CRACR2A: variants seen among roughly 807,000 people sequenced by gnomAD.
CRACR2A encodes EF-hand calcium-binding domain-containing protein 4B.
Under a neutral mutation model 90.5 loss-of-function variants are expected in CRACR2A, and 79 were observed. That is an observed-to-expected ratio of 0.87 (90% CI 0.73 to 1.05). The LOEUF (loss-of-function observed/expected upper bound fraction) is 1.05, where lower values mean the gene tolerates loss of function less well. CRACR2A is among the 50% of genes least tolerant of loss of function. The probability of loss-of-function intolerance (pLI) is 0.00; values close to 1 mark genes in which losing one functional copy is unlikely to be tolerated. For synonymous variants in CRACR2A, 338 were observed against 356.7 expected (o/e 0.95, Z 0.59); for missense variants, 823 against 897.2 (o/e 0.92, Z 1.06).
chr12:3,681,055 G>A (rs370518408), intron 4 of CRACR2A, among the ~76,000 whole-genome samples: 54 of 151,572 alleles, frequency 3.6e-4, no homozygotes, highest in African/African-American at 1.2e-3. Flanking sequence ...ACCACGATGC[G>A]GGTGCGGGTC....
chr12:3,635,632 A>C (rs1944442425), intron 14 of CRACR2A, among the ~76,000 whole-genome samples: 1 of 152,128 alleles, frequency 6.6e-6, no homozygotes, highest in African/African-American at 2.4e-5. Context: ...CAGCCCCTGG[A>C]GTAGCTATGA....
chr12:3,647,928 T>A (rs1944719396), intron 11 of CRACR2A: 2 of 985,024 alleles, frequency 2.0e-6, no homozygotes, highest in South Asian at 9.4e-5. Flanking sequence ...GAGGGGAGGG[T>A]GGTGCACATT....
chr12:3,720,301 AAG>A (rs1271983853), intron 2 of CRACR2A, among the ~76,000 whole-genome samples: 41 of 147,508 alleles, frequency 2.8e-4, no homozygotes, highest in Admixed American at 2.5e-3. Context: ...AAGAAAAAGA[AAG>A]AAAGAAGGAA....
At chr12:3,622,593 T>G (rs1007196338) in intron 17 of CRACR2A, among the ~76,000 whole-genome samples, 2 of 152,206 alleles carry the variant, frequency 1.3e-5, no homozygotes, top group African/African-American at 4.8e-5. Flanking sequence ...GCTCAGAATG[T>G]GCAGCTGCTG....
chr12:3,627,974 G>T (rs1944297397), intron 15 of CRACR2A, among the ~76,000 whole-genome samples: 1 of 151,676 alleles, frequency 6.6e-6, no homozygotes, highest in South Asian at 2.1e-4. Context: ...GCTCTTCACT[G>T]TAATACAAGC....
intron 12 of CRACR2A, 85 bp downstream of exon 12, chr12:3,644,510 G>A (rs905049444): frequency 7.3e-7 from 1 of 1,361,100 alleles, no homozygotes; most frequent in Non-Finnish European, 1.0e-6. Flanking sequence ...TCAGGACATT[G>A]CTGGGCCAGT....
chr12:3,706,040 A>G (rs1384961322), intron 3 of CRACR2A, among the ~76,000 whole-genome samples: 1 of 152,214 alleles, frequency 6.6e-6, no homozygotes, highest in Non-Finnish European at 1.5e-5. Flanking sequence ...CACTGTTTGC[A>G]CAGGTGATAG....
At chr12:3,640,715 A>C (rs560010734) in intron 13 of CRACR2A, 207 of 1,305,268 alleles carry the variant, frequency 1.6e-4, no homozygotes, top group Non-Finnish European at 2.0e-4. Flanking sequence ...TCATGCTTGC[A>C]GTCTTCAAGG....
intron 4 of CRACR2A, among the ~76,000 whole-genome samples, chr12:3,688,081 G>A (rs541009949): frequency 8.4e-4 from 128 of 152,288 alleles, no homozygotes; most frequent in African/African-American, 2.9e-3. Flanking sequence ...TGTAGATGCT[G>A]TATATTAGAC....
chr12:3,748,960 G>C (rs1431628686), intron 1 of CRACR2A, among the ~76,000 whole-genome samples: 1 of 152,216 alleles, frequency 6.6e-6, no homozygotes, highest in East Asian at 1.9e-4. Context: ...TGTGGATGCT[G>C]TTGGTGAGTA....
chr12:3,628,882 G>A (rs1861664149), intron 15 of CRACR2A, among the ~76,000 whole-genome samples: 1 of 152,142 alleles, frequency 6.6e-6, no homozygotes, highest in African/African-American at 2.4e-5. Flanking sequence ...CTGCCGCTGG[G>A]CAAAGGCTAG....
At chr12:3,628,501 A>G (rs891234397) in intron 15 of CRACR2A, among the ~76,000 whole-genome samples, 7 of 152,146 alleles carry the variant, frequency 4.6e-5, no homozygotes, top group Non-Finnish European at 7.4e-5. Flanking sequence ...GTTCACAACC[A>G]TCTCTCCAGG....
At chr12:3,714,706 G>GA (rs913362274) in intron 2 of CRACR2A, among the ~76,000 whole-genome samples, 1 of 152,134 alleles carries the variant, frequency 6.6e-6, no homozygotes, top group Non-Finnish European at 1.5e-5. Context: ...AATAAGGAGA[G>GA]AAAAATATTT....
intron 1 of CRACR2A, among the ~76,000 whole-genome samples, chr12:3,751,689 G>A (rs368853267): frequency 2.2e-4 from 34 of 152,010 alleles, no homozygotes; most frequent in African/African-American, 7.5e-4. Context: ...CGCCCTCTGC[G>A]AGTCACTCCT....
intron 7 of CRACR2A, among the ~76,000 whole-genome samples, chr12:3,663,905 T>C (rs1945082551): frequency 6.6e-6 from 1 of 152,244 alleles, no homozygotes; most frequent in Admixed American, 6.5e-5. Context: ...CTCCTCCACT[T>C]TGTGCTTCTG....
chr12:3,719,942 A>C (rs1946131216), intron 2 of CRACR2A, among the ~76,000 whole-genome samples: 4 of 151,798 alleles, frequency 2.6e-5, no homozygotes, highest in Admixed American at 2.6e-4. Context: ...ACATGGTGAA[A>C]CCCCATCTCT....
intron 17 of CRACR2A, among the ~76,000 whole-genome samples, chr12:3,626,201 C>T (rs147481495): frequency 3.6e-4 from 54 of 147,980 alleles, no homozygotes; most frequent in African/African-American, 1.2e-3. Flanking sequence ...AAAAGACAGA[C>T]GGGTGACCCA....
In CRACR2A at chr12:3,633,226, C is replaced by T. The variant is rs1404139491; in HGVS notation, c.1735+378G>A. Reference sequence around the variant, plus strand: ...GTCTCGGGAGGAGTCCTGGTCAGTTCAGGGGGAGCAGGAAGACCCAGGACC... The same window carrying T: ...GTCTCGGGAGGAGTCCTGGTCAGTTTAGGGGGAGCAGGAAGACCCAGGACC... On this transcript the variant is annotated intron_variant, in intron 15 of 19. Transcript: ENST00000440314. This position sits in a 1 kb window ranked among gnomAD's most constrained non-coding sequence, Gnocchi z 4.5. Among the ~76,000 whole-genome samples, 1 of 151,776 alleles carries T rather than the reference C, an allele frequency of 6.6e-6. No individual in the cohort carries two copies. Among genetic ancestry groups the T allele is most frequent in the East Asian group, 1.9e-4 (1 of 5,170 alleles).
chr12:3,635,660 C>T (rs1253233471), intron 14 of CRACR2A, among the ~76,000 whole-genome samples: 1 of 152,154 alleles, frequency 6.6e-6, no homozygotes, highest in East Asian at 1.9e-4. Context: ...TATGCATCAA[C>T]ACGCCTGGCT....
Sources: allele counts gnomAD v4.1 joint callset (sites outside exome capture counted in the v4.1 genomes callset), GRCh38; gene constraint gnomAD v4.1.1; non-coding constraint Gnocchi (gnomAD v3.1); transcripts MANE v1.5; gene names NCBI Gene and HGNC (gene_info 2026-07-23, HGNC 2026-07-21).